PLEKHA5: variants seen among roughly 807,000 people sequenced by gnomAD.
PLEKHA5 encodes pleckstrin homology domain-containing family A member 5.
PLEKHA5 carries 55 observed loss-of-function variants against 181.9 expected under a neutral mutation model. That is an observed-to-expected ratio of 0.30 (90% CI 0.24 to 0.38). The LOEUF is 0.38. Ranked by LOEUF, PLEKHA5 falls within the 10% of genes least tolerant of loss-of-function variation. PLEKHA5 has a pLI of 1.00. For missense variants in PLEKHA5, 1,432 were observed against 1,549.5 expected (o/e 0.92, Z 1.27); for synonymous variants, 535 against 529.4 (o/e 1.01, Z -0.15).
rs200187071 is a variant in PLEKHA5 at position 19,358,332 on chromosome 12, G to T, written c.3243G>T (p.Ala1081=). Residue 1081 remains alanine (A), a synonymous_variant, in exon 27 of 32, where the codon GCG becomes GCT. Transcript: ENST00000429027. ...AAAGAATAAGAAGACATCAACAAGC[G>T]TGCCTGAGGGAGAAGAAAAAAGGGT... ...QMERIRRHQQ[A]CLREKKKGLN... 1.2e-6 allele frequency: 2 copies of T among 1,613,442 alleles called. No individual in the cohort carries two copies. Among genetic ancestry groups the T allele is most frequent in the African/African-American group, 1.3e-5 (1 of 74,892 alleles).
intron 16 of PLEKHA5, among the ~76,000 whole-genome samples, chr12:19,317,212 A>G (rs1269439480): frequency 1.3e-5 from 2 of 152,080 alleles, no homozygotes; most frequent in Admixed American, 6.6e-5. Context: ...GCAAAATATA[A>G]AAAAATTAGC....
chr12:19,262,252 G>A (rs1354161975), intron 7 of PLEKHA5, among the ~76,000 whole-genome samples: 1 of 151,992 alleles, frequency 6.6e-6, no homozygotes, highest in Non-Finnish European at 1.5e-5. Context: ...TTTTGTTTTT[G>A]AGACAGAGTC....
intron 3 of PLEKHA5, among the ~76,000 whole-genome samples, chr12:19,181,986 T>C (rs1241858683): frequency 6.6e-6 from 1 of 152,224 alleles, no homozygotes; most frequent in Non-Finnish European, 1.5e-5. Flanking sequence ...TAGTCCTTGC[T>C]CTCAAGAGAT....
intron 12 of PLEKHA5, 148 bp downstream of exon 12, chr12:19,283,893 AT>A: frequency 1.7e-6 from 1 of 599,046 alleles, no homozygotes; most frequent in African/African-American, 1.8e-5. Context: ...AAATAAAAAT[AT>A]TTTACAACAT....
chr12:19,232,082 T>C (rs186074662), intron 3 of PLEKHA5, among the ~76,000 whole-genome samples: 7 of 152,260 alleles, frequency 4.6e-5, no homozygotes, highest in Non-Finnish European at 1.0e-4. Context: ...TAATTGCTGC[T>C]TTTTAGATTG....
intron 15 of PLEKHA5, among the ~76,000 whole-genome samples, chr12:19,309,079 G>T (rs1221320165): frequency 6.6e-6 from 1 of 151,886 alleles, no homozygotes; most frequent in Non-Finnish European, 1.5e-5. Flanking sequence ...AAGAAAAAAA[G>T]AGAAAAGAAA....
At chr12:19,258,834 G>A (rs1031892146) in intron 6 of PLEKHA5, among the ~76,000 whole-genome samples, 1 of 151,846 alleles carries the variant, frequency 6.6e-6, no homozygotes, top group Admixed American at 6.6e-5. Context: ...CAAAGTGCTG[G>A]GATTACAGGC....
chr12:19,254,936 C>A (rs571403241), intron 4 of PLEKHA5, 109 bp from the exon 5 acceptor site: 9 of 898,018 alleles, frequency 1.0e-5, no homozygotes, highest in Non-Finnish European at 1.5e-5. Context: ...TAACTAGGAT[C>A]CAAGTACTGT....
intron 11 of PLEKHA5, among the ~76,000 whole-genome samples, chr12:19,279,264 T>C (rs1236416151): frequency 6.6e-6 from 1 of 152,108 alleles, no homozygotes; most frequent in Non-Finnish European, 1.5e-5. Context: ...TTTTAAAAAA[T>C]CAAAAAGTTT....
intron 16 of PLEKHA5, 83 bp downstream of exon 16, chr12:19,314,977 T>C (rs2088028149): frequency 4.0e-6 from 3 of 742,210 alleles, no homozygotes; most frequent in Non-Finnish European, 7.3e-6. Context: ...TCAGATTTAC[T>C]CATGACATCA....
At chr12:19,352,598 T>A (rs1230197219) in intron 25 of PLEKHA5, among the ~76,000 whole-genome samples, 4 of 110,708 alleles carry the variant, frequency 3.6e-5, no homozygotes, top group South Asian at 3.0e-4. Context: ...TTTTTTTTTT[T>A]AAATAGAGAT....
intron 3 of PLEKHA5, among the ~76,000 whole-genome samples, chr12:19,191,721 G>T (rs1243829207): frequency 2.0e-5 from 3 of 152,134 alleles, no homozygotes; most frequent in Non-Finnish European, 4.4e-5. Flanking sequence ...GTTCTCTTAC[G>T]AGGTTGGATG....
At chr12:19,331,849 C>T (rs188974418) in intron 20 of PLEKHA5, among the ~76,000 whole-genome samples, 142 of 152,112 alleles carry the variant, frequency 9.3e-4, no homozygotes, top group Non-Finnish European at 6.9e-4. Flanking sequence ...ATAGTGAGAC[C>T]TCAAGTTTAC....
At chr12:19,236,128 A>G (rs1249302631) in intron 3 of PLEKHA5, among the ~76,000 whole-genome samples, 1 of 152,230 alleles carries the variant, frequency 6.6e-6, no homozygotes, top group Non-Finnish European at 1.5e-5. Context: ...TGCAAAACAT[A>G]TATAGTTTTA....
chr12:19,169,134 A>G (rs1373768082), intron 3 of PLEKHA5, among the ~76,000 whole-genome samples: 1 of 152,222 alleles, frequency 6.6e-6, no homozygotes, highest in Non-Finnish European at 1.5e-5. Flanking sequence ...AAAATCAGCA[A>G]TTGGCTTAGC....
intron 3 of PLEKHA5, among the ~76,000 whole-genome samples, chr12:19,164,180 G>A (rs190092175): frequency 6.9e-6 from 1 of 145,920 alleles, no homozygotes; most frequent in African/African-American, 2.5e-5. Context: ...CCCACTTCTT[G>A]CTCTCCAGAT....
chr12:19,311,519 T>G (rs1450395481), intron 15 of PLEKHA5, among the ~76,000 whole-genome samples: 1 of 152,052 alleles, frequency 6.6e-6, no homozygotes, highest in East Asian at 1.9e-4. Context: ...TCAACCAAGT[T>G]TATATATTCT....
At chr12:19,348,316 GTTTGA>G (rs2094436932) in intron 24 of PLEKHA5, 78 bp from the exon 25 acceptor site, 1 of 1,028,502 alleles carries the variant, frequency 9.7e-7, no homozygotes, top group African/African-American at 1.7e-5. Flanking sequence ...AATGTTTAGA[GTTTGA>G]TTTGTGTCTT....
intron 25 of PLEKHA5, among the ~76,000 whole-genome samples, chr12:19,349,083 GTTGTTT>G (rs1043375347): frequency 2.3e-5 from 2 of 88,566 alleles, no homozygotes; most frequent in African/African-American, 6.2e-5. Context: ...GTTTCTGGTG[GTTGTTT>G]TTGTTGTTGT....
Sources: allele counts gnomAD v4.1 joint callset (sites outside exome capture counted in the v4.1 genomes callset), GRCh38; gene constraint gnomAD v4.1.1; transcripts MANE v1.5; gene names NCBI Gene and HGNC (gene_info 2026-07-23, HGNC 2026-07-21).